The following HS6ST3 variants were observed in gnomAD, a reference collection of about 807,000 sequenced individuals.
The protein encoded by HS6ST3 is heparan sulfate 6-O-sulfotransferase 3, also known as heparan-sulfate 6-O-sulfotransferase 3.
In HS6ST3, 12 loss-of-function variants were observed where a neutral mutation model predicts 36.7. That is an observed-to-expected ratio of 0.33 (90% confidence interval 0.21 to 0.53). The LOEUF (loss-of-function observed/expected upper bound fraction) is 0.53, where lower values mean the gene tolerates loss of function less well. Among genes scored for constraint, HS6ST3 ranks in the 20% least tolerant of loss-of-function variants. HS6ST3 has a pLI of 0.95. For synonymous variants in HS6ST3, 240 were observed against 257.5 expected, an observed-to-expected ratio of 0.93 and a Z score of 0.65; for missense variants, 584 against 640.9, an observed-to-expected ratio of 0.91 and a Z score of 0.96.
intron 1 of HS6ST3, among the ~76,000 whole-genome samples, chr13:96,482,852 C>G (rs560790764): frequency 3.9e-5 from 6 of 152,136 alleles, no homozygotes; most frequent in African/African-American, 7.2e-5. Context: ...TATGCCCATG[C>G]CTTTAAGTGA....
intron 1 of HS6ST3, among the ~76,000 whole-genome samples, chr13:96,408,739 C>T (rs954378142): frequency 4.6e-5 from 7 of 152,124 alleles, no homozygotes; most frequent in African/African-American, 1.7e-4. Flanking sequence ...GCCTGGCCAA[C>T]ATGGTGAAAC....
chr13:96,615,041 T>A (rs900845298), intron 1 of HS6ST3, among the ~76,000 whole-genome samples: 3 of 152,194 alleles, frequency 2.0e-5, no homozygotes, highest in Non-Finnish European at 4.4e-5. Flanking sequence ...TTGGCTTTTT[T>A]AAAGAAAATT....
At chr13:96,705,346 T>C (rs1288901394) in intron 1 of HS6ST3, among the ~76,000 whole-genome samples, 1 of 152,230 alleles carries the variant, frequency 6.6e-6, no homozygotes, top group East Asian at 1.9e-4. Context: ...AAGGATAACT[T>C]TGAGAAGGGT....
chr13:96,458,186 C>T (rs1334307888), intron 1 of HS6ST3, among the ~76,000 whole-genome samples: 3 of 152,122 alleles, frequency 2.0e-5, no homozygotes, highest in African/African-American at 7.2e-5. Flanking sequence ...AAAGCATTTA[C>T]TAAGTCCTAT....
intron 1 of HS6ST3, among the ~76,000 whole-genome samples, chr13:96,675,669 C>T (rs2056696755): frequency 6.6e-6 from 1 of 152,060 alleles, no homozygotes; most frequent in Non-Finnish European, 1.5e-5. Flanking sequence ...AGACCCTCTG[C>T]ATATTGAGTT....
intron 1 of HS6ST3, among the ~76,000 whole-genome samples, chr13:96,193,787 G>C (rs1364206817): frequency 6.6e-6 from 1 of 152,162 alleles, no homozygotes; most frequent in Non-Finnish European, 1.5e-5. Context: ...TTAGAAAGAG[G>C]AGTAGTGAAG....
In HS6ST3 at chr13:96,094,127, G is replaced by A. The variant is rs146336075; in HGVS notation, c.707+2558G>A. On this transcript the variant is annotated intron_variant, in intron 1 of 1. Transcript: ENST00000376705. ...ATAAATATGGCTCTTGTACTTACTAGCCATGTACCCAGGAGTAAGTTACTT... is the reference window on the plus strand; with the variant it reads ...ATAAATATGGCTCTTGTACTTACTAACCATGTACCCAGGAGTAAGTTACTT... Among the ~76,000 whole-genome samples the A allele has an allele frequency of 5.1e-4, 77 of 152,222 alleles. No individual in the cohort carries two copies. In the East Asian group the frequency reaches 0.014, roughly 28 times the overall value.
chr13:96,416,707 T>G (rs2055534789), intron 1 of HS6ST3, among the ~76,000 whole-genome samples: 1 of 151,424 alleles, frequency 6.6e-6, no homozygotes, highest in African/African-American at 2.4e-5. Flanking sequence ...CCACTGTCCC[T>G]TCAAGGGCTT....
At chr13:96,771,430 T>A (rs985428096) in intron 1 of HS6ST3, among the ~76,000 whole-genome samples, 1 of 151,832 alleles carries the variant, frequency 6.6e-6, no homozygotes, top group Non-Finnish European at 1.5e-5. Context: ...TTAAAAAAAA[T>A]TAAAAAGTAA....
intron 1 of HS6ST3, among the ~76,000 whole-genome samples, chr13:96,656,986 TGTGTGTGTGTGTGA>T (rs2139016455): frequency 7.3e-6 from 1 of 137,716 alleles, no homozygotes; most frequent in East Asian, 2.2e-4. Context: ...TGTGTGTGTG[TGTGTGTGTGTGTGA>T]GAGAGAGAGA....
At chr13:96,591,373 A>G (rs2056381631) in intron 1 of HS6ST3, among the ~76,000 whole-genome samples, 1 of 151,958 alleles carries the variant, frequency 6.6e-6, no homozygotes, top group Non-Finnish European at 1.5e-5. Context: ...CAATTTTTTT[A>G]TCAGTGTTTT....
At chr13:96,613,696 T>C (rs2056463819) in intron 1 of HS6ST3, among the ~76,000 whole-genome samples, 1 of 152,236 alleles carries the variant, frequency 6.6e-6, no homozygotes, top group African/African-American at 2.4e-5. Context: ...TCTACATGAT[T>C]CCCTTTTCTA....
intron 1 of HS6ST3, among the ~76,000 whole-genome samples, chr13:96,650,542 A>G (rs936466760): frequency 1.3e-5 from 2 of 152,070 alleles, no homozygotes; most frequent in Non-Finnish European, 2.9e-5. Context: ...GGGATGAGGG[A>G]TTTGTTTATC....
intron 1 of HS6ST3, among the ~76,000 whole-genome samples, chr13:96,553,263 G>C (rs1248403177): frequency 6.6e-6 from 1 of 152,176 alleles, no homozygotes; most frequent in African/African-American, 2.4e-5. Flanking sequence ...TGCTTACTGA[G>C]CACCTATTAT....
chr13:96,125,316 G>T (rs1311026721), intron 1 of HS6ST3, among the ~76,000 whole-genome samples: 1 of 152,078 alleles, frequency 6.6e-6, no homozygotes, highest in East Asian at 1.9e-4. Context: ...AATGAAAATG[G>T]AATGAGTTAA....
chr13:96,113,956 A>G (rs1427564440), intron 1 of HS6ST3, among the ~76,000 whole-genome samples: 1 of 152,106 alleles, frequency 6.6e-6, no homozygotes, highest in Non-Finnish European at 1.5e-5. Flanking sequence ...TTAAAATGAT[A>G]ATTATGAAGA....
intron 1 of HS6ST3, among the ~76,000 whole-genome samples, chr13:96,613,940 C>A (rs1476346572): frequency 2.0e-5 from 3 of 152,102 alleles, no homozygotes; most frequent in Non-Finnish European, 4.4e-5. Flanking sequence ...AACATAAAGA[C>A]CTGTAAGGTA....
chr13:96,477,207 C>G (rs939929741), intron 1 of HS6ST3, among the ~76,000 whole-genome samples: 3 of 152,128 alleles, frequency 2.0e-5, no homozygotes, highest in African/African-American at 4.8e-5. Context: ...TCAGAATTCT[C>G]TCCACTATCC....
At chr13:96,394,317 G>A (rs1394226803) in intron 1 of HS6ST3, among the ~76,000 whole-genome samples, 1 of 150,562 alleles carries the variant, frequency 6.6e-6, no homozygotes, top group African/African-American at 2.5e-5. Context: ...TTTTAGAATG[G>A]AATGGCCACA....
Sources: allele counts gnomAD v4.1 joint callset (sites outside exome capture counted in the v4.1 genomes callset), GRCh38; gene constraint gnomAD v4.1.1; transcripts MANE v1.5; gene names NCBI Gene and HGNC (gene_info 2026-07-23, HGNC 2026-07-21).